The following ATP1A4 variants were observed in gnomAD, a reference collection of about 807,000 sequenced individuals.
The protein encoded by ATP1A4 is ATPase Na+/K+ transporting subunit alpha 4.
A neutral mutation model predicts 114.3 loss-of-function variants in ATP1A4; 90 were observed. The ratio of observed to expected loss-of-function variants is 0.79; its 90% CI spans 0.66 to 0.94. ATP1A4 has a LOEUF of 0.94. Ranked by LOEUF, ATP1A4 falls within the 40% of genes least tolerant of loss-of-function variation. The probability of loss-of-function intolerance (pLI) is 0.00; values close to 1 mark genes in which losing one functional copy is unlikely to be tolerated. For synonymous variants in ATP1A4, 511 were observed against 494.1 expected (o/e 1.03, Z -0.45); for missense variants, 1,222 against 1,313.6 (o/e 0.93, Z 1.08).
Position 160,159,302 on chromosome 1 carries a change from T to C in ATP1A4, c.661-107T>C, listed in dbSNP as rs1186794843. 4 of 1,351,284 alleles carry C rather than the reference T, an allele frequency of 3.0e-6. No individual in the cohort carries two copies. The African/African-American group carries it at 5.9e-5, about 20-fold the overall frequency. 83.7% of individuals were successfully genotyped at this position (1,351,284 alleles called of 1,614,324 possible). Reference sequence around the variant, plus strand: ...AGATGTGTAAATTTGTTTCTCTCAGTCTGTCAGTGATGATGTTGGTGACCA... The same window carrying C: ...AGATGTGTAAATTTGTTTCTCTCAGCCTGTCAGTGATGATGTTGGTGACCA... On this transcript the variant is annotated intron_variant, in intron 5 of 21. Coordinates refer to ENST00000368081, the MANE Select transcript of ATP1A4 (RefSeq NM_144699.4).
chr1:160,166,328 C>T (rs1400284655), intron 7 of ATP1A4, among the ~76,000 whole-genome samples, 200 bp from the exon 8 acceptor site: 2 of 152,142 alleles, frequency 1.3e-5, no homozygotes, highest in East Asian at 3.8e-4. Flanking sequence ...GAAACTCTTA[C>T]CATAAAGCAC....
chr1:160,176,001 CT>C, intron 15 of ATP1A4, 90 bp from the exon 16 acceptor site: 1 of 1,361,478 alleles, frequency 7.3e-7, no homozygotes, highest in Non-Finnish European at 1.0e-6. Flanking sequence ...GACTGTGACA[CT>C]TCTTTGAGGT....
intron 3 of ATP1A4, 151 bp from the exon 4 acceptor site, chr1:160,155,894 A>C: frequency 1.7e-6 from 1 of 583,678 alleles, no homozygotes; most frequent in Non-Finnish European, 3.1e-6. Flanking sequence ...TACTGGTCCC[A>C]CCTCAGATTC....
Position 160,186,830 on chromosome 1 carries a change from C to T in ATP1A4, c.*131C>T, listed in dbSNP as rs1017234739. ...TCTTGGATGAGAAAGATGGGCAATC[C>T]TGGGCTGGCTTGAGGGAATCATGGG... is the stretch of plus-strand genomic sequence containing the variant. On this transcript the variant is annotated 3_prime_UTR_variant, in exon 22 of 22. Transcript: ENST00000368081. 1.2e-5 allele frequency: 13 copies of T among 1,099,158 alleles called. No individual in the cohort carries two copies. In the African/African-American group the frequency reaches 2.0e-4, roughly 17 times the overall value. 68.1% of individuals were successfully genotyped at this position (1,099,158 alleles called of 1,614,324 possible).
At chr1:160,185,990 G>T (rs1571041437) in intron 20 of ATP1A4, among the ~76,000 whole-genome samples, 1 of 147,686 alleles carries the variant, frequency 6.8e-6, no homozygotes, top group East Asian at 2.0e-4. Flanking sequence ...AGCTACTCAG[G>T]AGGCTAAGGC....
At chr1:160,174,790 C>T in intron 15 of ATP1A4, 43 bp downstream of exon 15, 1 of 1,611,592 alleles carries the variant, frequency 6.2e-7, no homozygotes, top group South Asian at 1.1e-5. Flanking sequence ...CAACCCTGGA[C>T]TCAGGTGGGG....
chr1:160,185,438 G>A (rs964049770), intron 20 of ATP1A4, among the ~76,000 whole-genome samples: 2 of 151,742 alleles, frequency 1.3e-5, no homozygotes, highest in South Asian at 2.1e-4. Context: ...TTTCTGTCTC[G>A]TGCCTCTCCT....
chr1:160,158,270 G>A (rs896658820), intron 4 of ATP1A4, among the ~76,000 whole-genome samples: 1 of 152,160 alleles, frequency 6.6e-6, no homozygotes. Context: ...GACAGCTGGG[G>A]CCTTTTTCTT....
Position 160,177,540 on chromosome 1 carries a change from G to C in ATP1A4, c.2612G>C (p.Gly871Ala), listed in dbSNP as rs1653519262. ...ACAGGGATGATCCAGGCTCTGGCTG[G>C]ATTCTTTACCTACTTTGTAATCCTG... ...GQIGMIQALA[G>A]FFTYFVILAE... is the part of the protein sequence containing the mutation. Residue 871 changes from glycine (G) to alanine (A), a missense_variant, in exon 18 of 22, where the codon GGA becomes GCA. By Grantham distance (60) the Gly-to-Ala change is moderately conservative (BLOSUM62 0). Coordinates refer to ENST00000368081, the MANE Select transcript of ATP1A4 (RefSeq NM_144699.4). The C allele has an allele frequency of 6.2e-7, 1 of 1,614,138 alleles. No individual in the cohort carries two copies. Among genetic ancestry groups the C allele is most frequent in the Non-Finnish European group, 8.5e-7 (1 of 1,180,014 alleles).
rs757712281 is a variant in ATP1A4, at chr1:160,159,452, G to T, written c.704G>T (p.Arg235Leu). The T allele has an allele frequency of 1.2e-6, 2 of 1,613,822 alleles. No homozygotes were observed. Among genetic ancestry groups the T allele is most frequent in the South Asian group, 2.2e-5 (2 of 91,022 alleles). ...SLTGESEPQS[R>L]SPDFTHENPL... ...ACTGGGGAGTCAGAACCCCAGAGCCGCTCCCCTGACTTCACCCATGAGAAC... is the reference window on the plus strand; with the variant it reads ...ACTGGGGAGTCAGAACCCCAGAGCCTCTCCCCTGACTTCACCCATGAGAAC... The change falls in exon 6 of 22, where the codon CGC becomes CTC. Residue 235 changes from arginine (R) to leucine (L), a missense_variant. By Grantham distance (102) the Arg-to-Leu change is moderately radical (BLOSUM62 -2). Transcript: ENST00000368081.
In ATP1A4 at chr1:160,171,735, A is replaced by G. The variant is rs79938119; in HGVS notation, c.1832A>G (p.Lys611Arg). 2,419 of 1,614,166 alleles carry G rather than the reference A, an allele frequency of 1.5e-3. 43 individuals are homozygous for G. The East Asian group carries it at 0.036, about 24-fold the overall frequency. The stretch of plus-strand genomic sequence containing the variant: ...GCTGCAGTGCCTGATGCTGTGAGCA[A>G]GTGTCGCAGTGCAGGAATTAAGGTA... The part of the protein sequence containing the change: ...PRAAVPDAVS[K>R]CRSAGIKVIM... Residue 611 changes from lysine to arginine, a missense_variant, in exon 12 of 22, where the codon AAG (lysine) becomes AGG (arginine). By Grantham distance (26) the Lys-to-Arg change is conservative. Coordinates refer to ENST00000368081, the MANE Select transcript of ATP1A4 (RefSeq NM_144699.4).
At chr1:160,174,801 G>T in intron 15 of ATP1A4, 54 bp downstream of exon 15, 2 of 1,608,794 alleles carry the variant, frequency 1.2e-6, no homozygotes, top group Non-Finnish European at 1.7e-6. Context: ...TCAGGTGGGG[G>T]TTGGTGTACA....
In ATP1A4 at chr1:160,168,573, G is replaced by A. The variant is rs528940152; in HGVS notation, c.1491+1161G>A. ...AATTTTTTGTATTTTTAGTAGAGACGGGATTTTACCATGTTGGCTATGCTG... is the reference window on the plus strand; with the variant it reads ...AATTTTTTGTATTTTTAGTAGAGACAGGATTTTACCATGTTGGCTATGCTG... On this transcript the variant is annotated intron_variant, in intron 10 of 21. Coordinates refer to ENST00000368081, the MANE Select transcript of ATP1A4 (RefSeq NM_144699.4). 1.9e-3 allele frequency among the ~76,000 whole-genome samples: 288 copies of A among 151,946 alleles called. 7 individuals carry two copies. In the South Asian group the frequency reaches 0.05, roughly 27 times the overall value.
At chr1:160,181,884 C>T (rs777624733) in intron 19 of ATP1A4, 46 bp from the exon 20 acceptor site, 1 of 1,613,722 alleles carries the variant, frequency 6.2e-7, no homozygotes, top group Non-Finnish European at 8.5e-7. Context: ...TTTCCCCCTG[C>T]CTTTTCTTCT....
At chr1:160,177,712 T>C (rs731852) in intron 18 of ATP1A4, 48 bp downstream of exon 18, 1 of 1,604,692 alleles carries the variant, frequency 6.2e-7, no homozygotes, top group South Asian at 1.1e-5. Flanking sequence ...AGAGTGAGAG[T>C]GACAGGGGAG....
At chr1:160,160,428 G>C (rs1652830016) in intron 6 of ATP1A4, among the ~76,000 whole-genome samples, 1 of 152,126 alleles carries the variant, frequency 6.6e-6, no homozygotes, top group Admixed American at 6.5e-5. Flanking sequence ...TGTTGGCCAG[G>C]CTGGTCTCGA....
Position 160,176,248 on chromosome 1 carries a change from T to C in ATP1A4, c.2466+2T>C. Reference sequence around the variant, plus strand: ...TGCATTGATCTCGGCACTGACATGGTAAGGGCCAAGCTGGTGAGCAAGAGA... The same window carrying C: ...TGCATTGATCTCGGCACTGACATGGCAAGGGCCAAGCTGGTGAGCAAGAGA... On this transcript the variant is annotated splice_donor_variant, in intron 16 of 21. Transcript: ENST00000368081. LOFTEE classifies it high-confidence loss of function. 6.2e-7 allele frequency: 1 copy of C among 1,614,062 alleles called. No individual in the cohort carries two copies. The highest frequency in any genetic ancestry group is 8.5e-7 in the Non-Finnish European group (1 of 1,179,984).
In ATP1A4 at chr1:160,166,559, C is replaced by T. The variant is rs1297247423; in HGVS notation, c.1079C>T (p.Ala360Val). ...VCLTLTAKRM[A>V]RKNCLVKNLE... ...CTGACCCTCACAGCCAAGCGCATGG[C>T]GCGGAAGAACTGCCTGGTGAAGAAC... Residue 360 changes from alanine (A) to valine (V), a missense_variant, in exon 8 of 22, where the codon GCG (alanine) becomes GTG (valine). Ala to Val is a moderately conservative substitution (Grantham distance 64). Transcript: ENST00000368081. 2.5e-6 allele frequency: 4 copies of T among 1,614,244 alleles called. No individual in the cohort carries two copies. The highest frequency in any genetic ancestry group is 2.7e-5 in the African/African-American group (2 of 75,066).
chr1:160,166,461 C>T (rs1653038084), intron 7 of ATP1A4, 67 bp from the exon 8 acceptor site: 6 of 1,568,790 alleles, frequency 3.8e-6, no homozygotes, highest in Non-Finnish European at 5.2e-6. Flanking sequence ...GATCAAATAT[C>T]CACAATGCAA....
Sources: gnomAD v4.1 joint callset for allele counts (sites outside exome capture counted in the v4.1 genomes callset) on GRCh38, gnomAD v4.1.1 for gene constraint, MANE v1.5 for transcripts, NCBI Gene and HGNC (gene_info 2026-07-23, HGNC 2026-07-21) for gene names.